The following RNF217 variants were observed in gnomAD, a reference collection of about 807,000 sequenced individuals.
RNF217 encodes the protein E3 ubiquitin-protein ligase RNF217.
Under a neutral mutation model 57.8 loss-of-function variants are expected in RNF217, and 31 were observed. The observed-to-expected ratio is 0.54, with a 90% CI of 0.40 to 0.72. The LOEUF is 0.72. Ranked by LOEUF, RNF217 falls within the 30% of genes least tolerant of loss-of-function variation. The probability of loss-of-function intolerance (pLI) is 0.00; values close to 1 mark genes in which losing one functional copy is unlikely to be tolerated. For missense variants in RNF217, 696 were observed against 708.3 expected, an observed-to-expected ratio of 0.98 and a Z score of 0.20; for synonymous variants, 313 against 294.0, an observed-to-expected ratio of 1.06 and a Z score of -0.66.
intron 1 of RNF217, chr6:125,008,983 G>A (rs1018741263): frequency 7.4e-6 from 2 of 269,374 alleles, no homozygotes; most frequent in African/African-American, 2.2e-5. Flanking sequence ...GTTTCCCCTG[G>A]TTTAATGGTT....
In RNF217 at chr6:125,088,764, A is replaced by G. The variant is rs1469420973; in HGVS notation, c.*5827A>G. On this transcript the variant is annotated 3_prime_UTR_variant, in exon 6 of 6. Transcript: ENST00000521654. ...TTTCATTTGGTGTATCTAACTTTGT[A>G]TCACTTAAATTATTCAGACTTACTA... The G allele has an allele frequency of 6.6e-6, 1 of 152,132 alleles. No individual in the cohort carries two copies. The highest frequency in any genetic ancestry group is 2.4e-5 in the African/African-American group (1 of 41,386). 9.4% of individuals were successfully genotyped at this position (152,132 alleles called of 1,614,324 possible). A position where few individuals can be genotyped will look rare whatever the true frequency, so the allele number is the denominator to read the frequency against.
At chr6:125,010,678 A>C (rs1582705161) in intron 1 of RNF217, among the ~76,000 whole-genome samples, 2 of 152,170 alleles carry the variant, frequency 1.3e-5, no homozygotes, top group East Asian at 3.8e-4. Flanking sequence ...ATTCTACTTA[A>C]TGCTTTAGGC....
Position 125,089,605 on chromosome 6 carries a change from G to T in RNF217, c.*6668G>T, listed in dbSNP as rs967903578. On this transcript the variant is annotated 3_prime_UTR_variant, in exon 6 of 6. Transcript: ENST00000521654. The stretch of plus-strand genomic sequence containing the variant: ...TTTTTTATTGATATGATTTAGATAT[G>T]CCACACTCAATATATTTAGTATAGA... The T allele has an allele frequency of 1.8e-4, 27 of 152,072 alleles. No homozygotes were observed. The highest frequency in any genetic ancestry group is 5.3e-4 in the African/African-American group (22 of 41,402). The allele number at this position is 152,072 out of a possible 1,614,324, so 9.4% of individuals were successfully genotyped here.
intron 1 of RNF217, among the ~76,000 whole-genome samples, chr6:124,983,882 A>G (rs973308612): frequency 3.3e-5 from 5 of 152,190 alleles, no homozygotes; most frequent in African/African-American, 1.2e-4. Context: ...GTAAGCTGAG[A>G]GTTCAGCATC....
chr6:124,993,241 A>G (rs981140485), intron 1 of RNF217, among the ~76,000 whole-genome samples: 2 of 152,172 alleles, frequency 1.3e-5, no homozygotes, highest in African/African-American at 4.8e-5. Flanking sequence ...CTGATTTAGT[A>G]ATTCTGGGAT....
intron 1 of RNF217, among the ~76,000 whole-genome samples, chr6:124,976,095 T>C (rs2115001219): frequency 6.6e-6 from 1 of 152,312 alleles, no homozygotes; most frequent in East Asian, 1.9e-4. Context: ...TGTATATATG[T>C]ATACATAGAC....
chr6:124,980,312 G>A (rs1008206717), intron 1 of RNF217, among the ~76,000 whole-genome samples: 14 of 152,096 alleles, frequency 9.2e-5, no homozygotes, highest in Admixed American at 5.9e-4. Flanking sequence ...TCAGTCTTTC[G>A]TTAATTTGAT....
intron 1 of RNF217, among the ~76,000 whole-genome samples, chr6:125,033,021 T>G (rs1259465643): frequency 6.6e-6 from 1 of 152,282 alleles, no homozygotes; most frequent in Non-Finnish European, 1.5e-5. Flanking sequence ...ACTTATGAAG[T>G]TGAATACATT....
At chr6:125,044,855 A>G (rs1408246094) in intron 1 of RNF217, among the ~76,000 whole-genome samples, 2 of 152,188 alleles carry the variant, frequency 1.3e-5, no homozygotes, top group African/African-American at 4.8e-5. Context: ...CTGACCCCGC[A>G]GTTCTTGCAG....
chr6:124,984,871 T>C (rs948603388), intron 1 of RNF217, among the ~76,000 whole-genome samples: 35 of 152,008 alleles, frequency 2.3e-4, no homozygotes, highest in African/African-American at 7.7e-4. Context: ...TACTATAAAC[T>C]GAGACAAAAG....
chr6:125,019,829 G>GC (rs1785756280), intron 1 of RNF217, among the ~76,000 whole-genome samples: 1 of 136,940 alleles, frequency 7.3e-6, no homozygotes, highest in Admixed American at 7.8e-5. Flanking sequence ...CCCCTTTTTT[G>GC]CAGTGGGGGG....
intron 1 of RNF217, among the ~76,000 whole-genome samples, chr6:125,003,412 G>A (rs1785059764): frequency 6.6e-6 from 1 of 152,126 alleles, no homozygotes; most frequent in Non-Finnish European, 1.5e-5. Context: ...AAGCCTCAGT[G>A]TCTTCATGTT....
In RNF217 at chr6:125,091,158, G is replaced by T. The variant is rs916179363; in HGVS notation, c.*8221G>T. ...AGCATAGTATATACTTTTCTACCAC[G>T]TTAGCATTTACACTCTAATTACTGA... On this transcript the variant is annotated 3_prime_UTR_variant, in exon 6 of 6. Transcript: ENST00000521654. The T allele has an allele frequency of 3.3e-5, 5 of 151,896 alleles. No individual in the cohort carries two copies. The highest frequency in any genetic ancestry group is 1.3e-4 in the Admixed American group (2 of 15,244). 9.4% of individuals were successfully genotyped at this position (151,896 alleles called of 1,614,324 possible). A position where few individuals can be genotyped will look rare whatever the true frequency, so the allele number is the denominator to read the frequency against.
intron 2 of RNF217, among the ~76,000 whole-genome samples, chr6:125,052,972 G>A (rs962380575): frequency 6.6e-6 from 1 of 152,060 alleles, no homozygotes; most frequent in African/African-American, 2.4e-5. Context: ...TCAGGGTTGA[G>A]CTAGCTGAAG....
chr6:125,065,168 G>A (rs1582769474), intron 3 of RNF217, among the ~76,000 whole-genome samples: 1 of 151,526 alleles, frequency 6.6e-6, no homozygotes. Flanking sequence ...GCAGTCGCTT[G>A]TAGTCCCAGC....
intron 1 of RNF217, among the ~76,000 whole-genome samples, chr6:124,994,015 AT>A (rs1784657565): frequency 6.6e-6 from 1 of 152,118 alleles, no homozygotes; most frequent in Non-Finnish European, 1.5e-5. Flanking sequence ...GAGAAAACAA[AT>A]TACTCTGGCT....
intron 4 of RNF217, among the ~76,000 whole-genome samples, chr6:125,080,123 A>G (rs1461292340): frequency 6.6e-6 from 1 of 152,122 alleles, no homozygotes. Flanking sequence ...AGACTGAGCT[A>G]TGTGCATAGG....
In RNF217 at chr6:125,041,478, T is replaced by C. The variant is rs148444994; in HGVS notation, c.883-3733T>C. Reference sequence around the variant, plus strand: ...CATGGCCAACAAGGCCCATGTGATCTGTCTTCTGCCTAACTCTCCAACTTC... The same window carrying C: ...CATGGCCAACAAGGCCCATGTGATCCGTCTTCTGCCTAACTCTCCAACTTC... On this transcript the variant is annotated intron_variant, in intron 1 of 5. Transcript: ENST00000521654. Among the ~76,000 whole-genome samples, 100 of 152,284 alleles carry C rather than the reference T, an allele frequency of 6.6e-4. 1 individual carries two copies. In the East Asian group the frequency reaches 0.019, roughly 28 times the overall value.
At chr6:125,033,175 G>C (rs894646443) in intron 1 of RNF217, among the ~76,000 whole-genome samples, 5 of 149,642 alleles carry the variant, frequency 3.3e-5, no homozygotes, top group Admixed American at 6.6e-5. Context: ...ACTAAGATCT[G>C]TTTGCCTACA....
Sources: allele counts gnomAD v4.1 joint callset (sites outside exome capture counted in the v4.1 genomes callset), GRCh38; gene constraint gnomAD v4.1.1; transcripts MANE v1.5; gene names NCBI Gene and HGNC (gene_info 2026-07-23, HGNC 2026-07-21).